IL20RA: variants seen among roughly 807,000 people sequenced by gnomAD.
IL20RA encodes interleukin 20 receptor subunit alpha.
IL20RA carries 29 observed loss-of-function variants against 36.5 expected under a neutral mutation model. The ratio of observed to expected loss-of-function variants is 0.79; its 90% CI spans 0.59 to 1.08. IL20RA has a LOEUF of 1.08. IL20RA is among the 50% of genes least tolerant of loss of function. The pLI, the probability that IL20RA is intolerant of heterozygous loss-of-function variation, is 0.00. For missense variants in IL20RA, 652 were observed against 668.4 expected, an observed-to-expected ratio of 0.98 and a Z score of 0.27; for synonymous variants, 279 against 267.1, an observed-to-expected ratio of 1.04 and a Z score of -0.43.
At chr6:137,012,118 T>G (rs1775523086) in intron 2 of IL20RA, among the ~76,000 whole-genome samples, 1 of 151,924 alleles carries the variant, frequency 6.6e-6, no homozygotes, top group South Asian at 2.1e-4. Flanking sequence ...TCAGGTAACA[T>G]GTGATAAGCC....
intron 1 of IL20RA, among the ~76,000 whole-genome samples, chr6:137,035,755 G>A (rs1776471022): frequency 6.6e-6 from 1 of 152,122 alleles, no homozygotes; most frequent in African/African-American, 2.4e-5. Context: ...TACATTATGG[G>A]CTGCATGTGA....
At chr6:137,044,232 C>A (rs1272747264) in intron 1 of IL20RA, 2 of 989,098 alleles carry the variant, frequency 2.0e-6, no homozygotes, top group Admixed American at 6.1e-5. Context: ...TCCACAGGGG[C>A]CCCTCCGCGC....
chr6:137,039,103 G>A (rs1478569168), intron 1 of IL20RA, among the ~76,000 whole-genome samples: 1 of 152,170 alleles, frequency 6.6e-6, no homozygotes, highest in Admixed American at 6.5e-5. Flanking sequence ...AAACGAAAAG[G>A]TATAATCAGG....
intron 1 of IL20RA, among the ~76,000 whole-genome samples, chr6:137,030,632 T>C (rs1776245433): frequency 1.3e-5 from 2 of 152,146 alleles, no homozygotes; most frequent in Admixed American, 6.5e-5. Context: ...TTAGGAAGGT[T>C]AGAAGGAATA....
chr6:137,012,928 C>G (rs538822490), intron 2 of IL20RA, among the ~76,000 whole-genome samples: 2 of 152,230 alleles, frequency 1.3e-5, no homozygotes, highest in African/African-American at 4.8e-5. Flanking sequence ...TCTTACTGAT[C>G]AACTTCTCCA....
At chr6:137,015,481 C>T (rs986039957) in intron 2 of IL20RA, among the ~76,000 whole-genome samples, 1 of 152,156 alleles carries the variant, frequency 6.6e-6, no homozygotes, top group Non-Finnish European at 1.5e-5. Flanking sequence ...GCAAAGCTTT[C>T]TGGAAACTTG....
intron 3 of IL20RA, 37 bp downstream of exon 3, chr6:137,011,224 CTGATATGAATACA>C (rs1229740565): frequency 3.5e-6 from 5 of 1,438,394 alleles, no homozygotes; most frequent in Non-Finnish European, 4.8e-6. Context: ...ACTGTTAAAC[CTGATATGAATACA>C]TGTTTAACTG....
chr6:137,002,519 G>T (rs1296477586), intron 6 of IL20RA, among the ~76,000 whole-genome samples, 164 bp from the exon 7 acceptor site: 1 of 152,180 alleles, frequency 6.6e-6, no homozygotes, highest in African/African-American at 2.4e-5. Context: ...CTCACTCACT[G>T]GGAGGCAAGA....
chr6:137,019,140 T>G (rs1775813239), intron 1 of IL20RA, among the ~76,000 whole-genome samples: 1 of 152,010 alleles, frequency 6.6e-6, no homozygotes, highest in South Asian at 2.1e-4. Flanking sequence ...CTTTTTTTTT[T>G]TTTTGAGACA....
rs572252600 is a variant in IL20RA, at chr6:137,002,417, G to A, written c.865-62C>T. The A allele has an allele frequency of 1.4e-4, 155 of 1,098,674 alleles. No individual in the cohort carries two copies. The Middle Eastern group carries it at 2.4e-3, about 17-fold the overall frequency. 68.1% of individuals were successfully genotyped at this position (1,098,674 alleles called of 1,614,324 possible). A position where few individuals can be genotyped will look rare whatever the true frequency, so the allele number is the denominator to read the frequency against. Reference sequence around the variant, plus strand: ...CTTTAGAGAGACATTAAAAACAGCTGTTAGGTAGAATATCTTGTCACCAGA... The same window carrying A: ...CTTTAGAGAGACATTAAAAACAGCTATTAGGTAGAATATCTTGTCACCAGA... On this transcript the variant is annotated intron_variant, in intron 6 of 6. Transcript: ENST00000316649.
At chr6:137,044,420 T>A in intron 1 of IL20RA, 1 of 926,158 alleles carries the variant, frequency 1.1e-6, no homozygotes, top group Non-Finnish European at 1.4e-6. Flanking sequence ...TCCTGCAAAC[T>A]TGACCCCGAG....
rs1215398465 is a variant in IL20RA at position 137,044,708 on chromosome 6, C to G, written c.21G>C (p.Pro7=). 14 of 1,221,020 alleles carry G rather than the reference C, an allele frequency of 1.1e-5. No individual in the cohort carries two copies. The highest frequency in any genetic ancestry group is 1.4e-5 in the Non-Finnish European group (14 of 981,514). 75.6% of individuals were successfully genotyped at this position (1,221,020 alleles called of 1,614,324 possible). Residue 7 remains proline (P), a synonymous_variant, in exon 1 of 7, where the codon CCG becomes CCC. Transcript: ENST00000316649. MRAPGR[P]ALRPLPLPPL... ...GCGGCAGCGGCAGCGGCCGCAGGGC[C>G]GGGCGGCCGGGAGCCCGCATGGGCG...
In IL20RA at chr6:137,011,408, A is replaced by G; in HGVS notation, c.269T>C (p.Ile90Thr). ...AGAAAGATCACAGTAGGTTCTATTGATATTTCTGCATTCTGATTTATTCAG... is the reference window on the plus strand; with the variant it reads ...AGAAAGATCACAGTAGGTTCTATTGGTATTTCTGCATTCTGATTTATTCAG... The part of the protein sequence containing the change: ...KWLNKSECRN[I>T]NRTYCDLSAE... Residue 90 changes from isoleucine to threonine, a missense_variant, in exon 3 of 7, where the codon ATC (isoleucine) becomes ACC (threonine). Transcript: ENST00000316649. The G allele has an allele frequency of 6.2e-7, 1 of 1,613,536 alleles. No homozygotes were observed. The highest frequency in any genetic ancestry group is 8.5e-7 in the Non-Finnish European group (1 of 1,179,680).
chr6:137,013,105 C>T (rs1775555536), intron 2 of IL20RA, among the ~76,000 whole-genome samples: 1 of 152,174 alleles, frequency 6.6e-6, no homozygotes, highest in South Asian at 2.1e-4. Context: ...TTACCACATG[C>T]CTTGCATTCA....
At chr6:137,037,175 T>A (rs1776519565) in intron 1 of IL20RA, among the ~76,000 whole-genome samples, 2 of 152,308 alleles carry the variant, frequency 1.3e-5, no homozygotes, top group Admixed American at 6.5e-5. Flanking sequence ...CCCACAAGTC[T>A]GTACAGGACT....
At chr6:137,005,190 A>C (rs1562228716) in intron 5 of IL20RA, among the ~76,000 whole-genome samples, 1 of 152,206 alleles carries the variant, frequency 6.6e-6, no homozygotes, top group East Asian at 1.9e-4. Flanking sequence ...TTTCCACGCC[A>C]CCTGTTTGAC....
chr6:137,008,867 T>A, intron 4 of IL20RA, 124 bp from the exon 5 acceptor site: 1 of 398,750 alleles, frequency 2.5e-6, no homozygotes, highest in Non-Finnish European at 3.9e-6. Flanking sequence ...AGTATAAGCT[T>A]TTTTTTTTTT....
chr6:137,023,569 C>T (rs910044708), intron 1 of IL20RA, among the ~76,000 whole-genome samples: 1 of 152,084 alleles, frequency 6.6e-6, no homozygotes, highest in African/African-American at 2.4e-5. Context: ...CCAGTGAGAC[C>T]ATAACTGCAG....
At chr6:137,015,848 G>T (rs955910483) in intron 2 of IL20RA, among the ~76,000 whole-genome samples, 2 of 152,040 alleles carry the variant, frequency 1.3e-5, no homozygotes, top group African/African-American at 4.8e-5. Flanking sequence ...GTAGAGACAG[G>T]GTTTTGTCAT....
Sources: allele counts gnomAD v4.1 joint callset (sites outside exome capture counted in the v4.1 genomes callset), GRCh38; gene constraint gnomAD v4.1.1; transcripts MANE v1.5; gene names NCBI Gene and HGNC (gene_info 2026-07-23, HGNC 2026-07-21).